The following SHROOM2 variants were observed in gnomAD, a reference collection of about 807,000 sequenced individuals.
The protein encoded by SHROOM2 is shroom family member 2, also known as protein Shroom2.
SHROOM2 carries 33 observed loss-of-function variants against 75.9 expected under a neutral mutation model. That is an observed-to-expected ratio of 0.43 (90% CI 0.33 to 0.58). The LOEUF (loss-of-function observed/expected upper bound fraction) is 0.58. Ranked by LOEUF, SHROOM2 falls within the 20% of genes least tolerant of loss-of-function variation. SHROOM2 has a pLI of 0.04. For missense variants in SHROOM2, 1,434 were observed against 1,461.2 expected, an observed-to-expected ratio of 0.98 and a Z score of 0.30; for synonymous variants, 655 against 663.6, an observed-to-expected ratio of 0.99 and a Z score of 0.20.
At chrX:9,790,153 T>C (rs2083639667) in intron 1 of SHROOM2, among the ~76,000 whole-genome samples, 1 of 112,113 alleles carries the variant, frequency 8.9e-6, no homozygotes, top group Non-Finnish European at 1.9e-5. Context: ...GAGTCCTTGA[T>C]TGCAGAGGGC....
intron 1 of SHROOM2, among the ~76,000 whole-genome samples, chrX:9,808,595 T>C (rs150258670): frequency 0.014 from 1,551 of 109,643 alleles, 10 homozygotes; most frequent in Non-Finnish European, 0.023. Context: ...GGCGCAGTGG[T>C]TCACGCCTGT....
At chrX:9,924,907 C>T (rs767236040) in intron 5 of SHROOM2, among the ~76,000 whole-genome samples, 31 of 111,258 alleles carry the variant, frequency 2.8e-4, no homozygotes, top group Non-Finnish European at 5.5e-4. Flanking sequence ...CCTCCCACCT[C>T]GGCCTCCCAC....
At chrX:9,805,038 G>A (rs911744277) in intron 1 of SHROOM2, among the ~76,000 whole-genome samples, 6 of 107,355 alleles carry the variant, frequency 5.6e-5, no homozygotes, top group African/African-American at 1.7e-4. Context: ...AGTTCGAGAC[G>A]AGCTTGCTTG....
intron 5 of SHROOM2, among the ~76,000 whole-genome samples, chrX:9,922,220 A>AT (rs1309031021): frequency 2.7e-5 from 3 of 110,426 alleles, no homozygotes; most frequent in African/African-American, 9.9e-5. Context: ...TACTTGGATA[A>AT]TTTTTTTAAA....
chrX:9,932,716 C>A lies in SHROOM2; in HGVS notation c.3433C>A (p.Arg1145Ser). 1 of 1,211,356 alleles carries A rather than the reference C, an allele frequency of 8.3e-7. No homozygotes were observed. The highest frequency in any genetic ancestry group is 1.1e-6 in the Non-Finnish European group (1 of 895,591). The change falls in exon 6 of 10, where the codon CGT becomes AGT. Residue 1145 changes from arginine to serine, a missense_variant. Arg to Ser is a moderately radical substitution (Grantham distance 110). Coordinates refer to ENST00000380913, the MANE Select transcript of SHROOM2 (RefSeq NM_001649.4). ...CCAGCATGTGAGCGGGGACGCATCA[C>A]GTCCTCTGCCAGAAGCACTGCTCCC... ...GSQHVSGDAS[R>S]PLPEALLPPK...
intron 1 of SHROOM2, among the ~76,000 whole-genome samples, chrX:9,862,454 A>T (rs982906753): frequency 1.8e-5 from 2 of 109,982 alleles, no homozygotes; most frequent in African/African-American, 6.6e-5. Flanking sequence ...CCGGCATGCC[A>T]CTGAAGCTCA....
rs748467012 is a variant in SHROOM2, at chrX:9,888,668, T to C, written c.318-2309T>C. Reference sequence around the variant, plus strand: ...TATGCTACCCAGGCTGATCTCAAACTCCTGGCCGAAAGCAATCCTCCCACG... The same window carrying C: ...TATGCTACCCAGGCTGATCTCAAACCCCTGGCCGAAAGCAATCCTCCCACG... On this transcript the variant is annotated intron_variant, in intron 2 of 9. Transcript: ENST00000380913. Among the ~76,000 whole-genome samples, 26 of 111,583 alleles carry C rather than the reference T, an allele frequency of 2.3e-4. No individual in the cohort carries two copies. In the South Asian group the frequency reaches 9.5e-3, roughly 41 times the overall value.
intron 5 of SHROOM2, among the ~76,000 whole-genome samples, chrX:9,899,674 G>T (rs2084354800): frequency 8.9e-6 from 1 of 112,433 alleles, no homozygotes; most frequent in South Asian, 3.6e-4. Context: ...TTACTTAACA[G>T]ACTCTGAGGC....
chrX:9,944,709 G>A lies in SHROOM2; in HGVS notation c.4380G>A (p.Glu1460=). The A allele has an allele frequency of 8.3e-7, 1 of 1,211,665 alleles. No homozygotes were observed. Among genetic ancestry groups the A allele is most frequent in the Non-Finnish European group, 1.1e-6 (1 of 895,225 alleles). The part of the protein sequence containing the change: ...VLREARESLL[E]DVQANTVLGA... ...GGGAGGCCCGCGAGAGCCTGCTGGAGGACGTGCAGGCCAACACCGTGCTGG... is the reference window on the plus strand; with the variant it reads ...GGGAGGCCCGCGAGAGCCTGCTGGAAGACGTGCAGGCCAACACCGTGCTGG... Residue 1460 remains glutamate (E), a synonymous_variant, in exon 9 of 10, where the codon GAG becomes GAA. Transcript: ENST00000380913.
chrX:9,921,952 C>T (rs1301646326), intron 5 of SHROOM2, among the ~76,000 whole-genome samples: 1 of 111,915 alleles, frequency 8.9e-6, no homozygotes, highest in Non-Finnish European at 1.9e-5. Flanking sequence ...CATGTGAGTT[C>T]TGCCATATTT....
intron 2 of SHROOM2, among the ~76,000 whole-genome samples, chrX:9,875,227 C>CT (rs1288998701): frequency 9.3e-6 from 1 of 107,424 alleles, no homozygotes; most frequent in Non-Finnish European, 1.9e-5. Context: ...AGTAAAATCT[C>CT]AGAATGGTGG....
chrX:9,891,681 TG>T (rs762455951), intron 3 of SHROOM2, among the ~76,000 whole-genome samples: 15 of 110,358 alleles, frequency 1.4e-4, no homozygotes, highest in African/African-American at 3.6e-4. Flanking sequence ...TGTGAGTGTG[TG>T]GGGGGGTGTG....
chrX:9,872,915 G>A (rs1261097332), intron 1 of SHROOM2, among the ~76,000 whole-genome samples: 2 of 112,105 alleles, frequency 1.8e-5, no homozygotes, highest in South Asian at 3.7e-4. Context: ...GATAAAATGC[G>A]GTCTGTCCAT....
intron 5 of SHROOM2, among the ~76,000 whole-genome samples, chrX:9,906,195 A>G (rs1369769895): frequency 8.9e-6 from 1 of 112,389 alleles, no homozygotes; most frequent in Non-Finnish European, 1.9e-5. Flanking sequence ...TAAAAATCAC[A>G]TATTGTATGA....
chrX:9,845,576 A>G (rs1165417761), intron 1 of SHROOM2, among the ~76,000 whole-genome samples: 1 of 105,169 alleles, frequency 9.5e-6, no homozygotes, highest in Non-Finnish European at 1.9e-5. Context: ...TATTGTATCT[A>G]CTTGGGCAGG....
chrX:9,808,463 G>C (rs894068081), intron 1 of SHROOM2, among the ~76,000 whole-genome samples: 1 of 110,037 alleles, frequency 9.1e-6, no homozygotes, highest in Non-Finnish European at 1.9e-5. Flanking sequence ...TGGAGGATTT[G>C]GCTTGAGTCA....
intron 5 of SHROOM2, among the ~76,000 whole-genome samples, chrX:9,900,026 TGTGA>T (rs1187995014): frequency 9.0e-6 from 1 of 111,511 alleles, no homozygotes; most frequent in Non-Finnish European, 1.9e-5. Flanking sequence ...GCAGGCTGTG[TGTGA>T]GTGAGTGAAT....
Position 9,898,297 on chromosome X carries a change from G to A in SHROOM2, c.2891+7G>A. 1 of 1,147,464 alleles carries A rather than the reference G, an allele frequency of 8.7e-7. No homozygotes were observed. Among genetic ancestry groups the A allele is most frequent in the South Asian group, 1.9e-5 (1 of 51,831 alleles). The allele number at this position is 1,147,464 out of a possible 1,213,427, so 94.6% of individuals were successfully genotyped here. On this transcript the variant is annotated splice_region_variant and intron_variant, in intron 5 of 9. Coordinates refer to ENST00000380913, the MANE Select transcript of SHROOM2 (RefSeq NM_001649.4). Reference sequence around the variant, plus strand: ...AGGGACAGTCCACGCCGAGGTGGGTGAAATTTGGATTCAGAGTTACTGAAG... The same window carrying A: ...AGGGACAGTCCACGCCGAGGTGGGTAAAATTTGGATTCAGAGTTACTGAAG...
chrX:9,946,673 A>G lies in SHROOM2; in HGVS notation c.4587A>G (p.Gln1529=). The G allele has an allele frequency of 8.3e-7, 1 of 1,205,549 alleles. No individual in the cohort carries two copies. The highest frequency in any genetic ancestry group is 1.1e-6 in the Non-Finnish European group (1 of 892,089). The change falls in exon 10 of 10, where the codon CAA becomes CAG. Residue 1529 remains glutamine, a splice_region_variant and synonymous_variant. Coordinates refer to ENST00000380913, the MANE Select transcript of SHROOM2 (RefSeq NM_001649.4). ...CAGGCTTGTTTGTCTGTCAACAGCA[A>G]TCACTGCTTGAGAAGCAGAGAGTCC... ...LDDGASPGDR[Q]SLLEKQRVLI...
Sources: gnomAD v4.1 joint callset for allele counts (sites outside exome capture counted in the v4.1 genomes callset) on GRCh38, gnomAD v4.1.1 for gene constraint, MANE v1.5 for transcripts, NCBI Gene and HGNC (gene_info 2026-07-23, HGNC 2026-07-21) for gene names.